Variants in BAZ1B observed in about 807,000 individuals in gnomAD.
BAZ1B encodes bromodomain adjacent to zinc finger domain 1B.
Under a neutral mutation model 153.8 loss-of-function variants are expected in BAZ1B, and 22 were observed. The ratio of observed to expected loss-of-function variants is 0.14; its 90% CI spans 0.10 to 0.20. BAZ1B has a LOEUF of 0.20. BAZ1B is among the 10% of genes least tolerant of loss of function. BAZ1B has a pLI of 1.00. For synonymous variants in BAZ1B, 676 were observed against 633.4 expected (o/e 1.07, Z -1.01); for missense variants, 1,325 against 1,799.3 (o/e 0.74, Z 4.77).
At chr7:73,509,270 CA>C (rs1554578238) in intron 2 of BAZ1B, among the ~76,000 whole-genome samples, 1 of 151,910 alleles carries the variant, frequency 6.6e-6, no homozygotes, top group African/African-American at 2.4e-5. Context: ...TGCAGTGAGC[CA>C]AGATCACACC....
At chr7:73,463,715 T>C (rs1234567571) in intron 11 of BAZ1B, among the ~76,000 whole-genome samples, 2 of 152,018 alleles carry the variant, frequency 1.3e-5, no homozygotes, top group Non-Finnish European at 2.9e-5. Flanking sequence ...CTTTTTTTTT[T>C]TGTTGTTTTT....
intron 10 of BAZ1B, 136 bp from the exon 11 acceptor site, chr7:73,465,673 G>C: frequency 1.9e-6 from 1 of 515,666 alleles, no homozygotes; most frequent in Non-Finnish European, 3.4e-6. Flanking sequence ...CTACTATCTA[G>C]AAGTAGAATA....
chr7:73,511,303 A>T (rs1015910426), intron 1 of BAZ1B, among the ~76,000 whole-genome samples: 2 of 151,910 alleles, frequency 1.3e-5, no homozygotes, highest in African/African-American at 4.8e-5. Context: ...AAAAAAATGG[A>T]ATCAGGGCCC....
rs1329697799 is a variant in BAZ1B, at chr7:73,522,150, G to A, written c.-217C>T. The A allele has an allele frequency of 3.0e-5, 12 of 398,556 alleles. No homozygotes were observed. Among genetic ancestry groups the A allele is most frequent in the Middle Eastern group, 6.4e-4 (1 of 1,572 alleles). 24.7% of individuals were successfully genotyped at this position (398,556 alleles called of 1,614,324 possible). A position where few individuals can be genotyped will look rare whatever the true frequency, so the allele number is the denominator to read the frequency against. On this transcript the variant is annotated 5_prime_UTR_variant, in exon 1 of 20. Transcript: ENST00000339594. ...GCGCAGAGCTCCCGCGCACACCGCC[G>A]CGCCTCCCAGCAGCCCCCCGCCGAC...
At chr7:73,464,142 G>C in intron 11 of BAZ1B, 1 of 984,914 alleles carries the variant, frequency 1.0e-6, no homozygotes, top group African/African-American at 1.7e-5. Flanking sequence ...GCAAAAGTCT[G>C]GCAATGGTGT....
At position 73,522,024 on chromosome 7, in the gene BAZ1B, CG is replaced by C; in HGVS notation, c.-92del. 8.4e-6 allele frequency: 3 copies of C among 358,964 alleles called. No homozygotes were observed. The highest frequency in any genetic ancestry group is 1.3e-5 in the Non-Finnish European group (3 of 231,378). 22.2% of individuals were successfully genotyped at this position (358,964 alleles called of 1,614,324 possible). A position where few individuals can be genotyped will look rare whatever the true frequency, so the allele number is the denominator to read the frequency against. ...CGGCCCGGAGCGAGCGCCAGGCGCC[CG>C]GGGGTGGGGTGGGGGAAGGGAGGGG... On this transcript the variant is annotated 5_prime_UTR_variant, in exon 1 of 20. Coordinates refer to ENST00000339594, the MANE Select transcript of BAZ1B (RefSeq NM_032408.4).
chr7:73,469,904 C>T (rs942345397), intron 8 of BAZ1B, among the ~76,000 whole-genome samples: 1 of 152,132 alleles, frequency 6.6e-6, no homozygotes, highest in African/African-American at 2.4e-5. Context: ...AATGGGGTCT[C>T]GCTATGTTGG....
intron 7 of BAZ1B, among the ~76,000 whole-genome samples, chr7:73,475,240 TTAAGTA>T (rs1443855960): frequency 1.1e-4 from 16 of 152,166 alleles, no homozygotes; most frequent in Non-Finnish European, 1.9e-4. Context: ...CTAAAGAAAT[TTAAGTA>T]TATGACTACT....
intron 1 of BAZ1B, among the ~76,000 whole-genome samples, chr7:73,521,385 G>GC (rs1791034642): frequency 6.6e-6 from 1 of 152,144 alleles, no homozygotes; most frequent in Admixed American, 6.5e-5. Context: ...ACGAGGCCGC[G>GC]CGAGTACAAT....
intron 3 of BAZ1B, among the ~76,000 whole-genome samples, chr7:73,505,929 C>T (rs1308833111): frequency 4.6e-5 from 7 of 152,194 alleles, no homozygotes; most frequent in African/African-American, 1.7e-4. Flanking sequence ...CGCTACATAA[C>T]GGCTGAAAGC....
chr7:73,510,899 C>A, intron 1 of BAZ1B, 47 bp from the exon 2 acceptor site: 1 of 1,467,526 alleles, frequency 6.8e-7, no homozygotes, highest in Non-Finnish European at 9.5e-7. Context: ...ACAGAGACGA[C>A]AAACCCATAC....
At chr7:73,485,567 G>C (rs1554574361) in intron 6 of BAZ1B, among the ~76,000 whole-genome samples, 3 of 150,236 alleles carry the variant, frequency 2.0e-5, no homozygotes. Flanking sequence ...CCAGGTTACA[G>C]TGAGCTATGA....
chr7:73,448,548 A>G (rs1787920512), intron 15 of BAZ1B, among the ~76,000 whole-genome samples: 1 of 152,246 alleles, frequency 6.6e-6, no homozygotes, highest in East Asian at 1.9e-4. Flanking sequence ...CCAAAATACT[A>G]CTTCAGAGAA....
intron 3 of BAZ1B, among the ~76,000 whole-genome samples, chr7:73,507,794 T>C (rs1790403442): frequency 6.8e-6 from 1 of 148,126 alleles, no homozygotes; most frequent in Non-Finnish European, 1.5e-5. Flanking sequence ...AGCCAGGGAG[T>C]CCAAGGCTAC....
chr7:73,452,267 T>A (rs1207413133), intron 13 of BAZ1B, among the ~76,000 whole-genome samples: 5 of 152,204 alleles, frequency 3.3e-5, no homozygotes, highest in African/African-American at 9.6e-5. Context: ...AACAGTACTT[T>A]CATCAGTTTT....
At chr7:73,468,469 A>G (rs1788675896) in intron 9 of BAZ1B, among the ~76,000 whole-genome samples, 1 of 152,170 alleles carries the variant, frequency 6.6e-6, no homozygotes, top group Non-Finnish European at 1.5e-5. Context: ...TGAGGTTGAG[A>G]AAACCTGACC....
intron 17 of BAZ1B, 92 bp downstream of exon 17, chr7:73,443,892 C>G: frequency 6.4e-7 from 1 of 1,554,368 alleles, no homozygotes. Flanking sequence ...GGGGGAGGCT[C>G]CCCTCCCACC....
At chr7:73,517,567 T>C (rs1008075887) in intron 1 of BAZ1B, among the ~76,000 whole-genome samples, 50 of 152,234 alleles carry the variant, frequency 3.3e-4, no homozygotes, top group Middle Eastern at 3.4e-3. Context: ...AAAAGGCCCA[T>C]CAGAAGGATA....
intron 10 of BAZ1B, 85 bp downstream of exon 10, chr7:73,466,211 C>G (rs1788578258): frequency 1.2e-5 from 11 of 939,180 alleles, no homozygotes; most frequent in African/African-American, 1.6e-5. Flanking sequence ...TAATTATTAA[C>G]TCACTGGCAT....
Sources: allele counts gnomAD v4.1 joint callset (sites outside exome capture counted in the v4.1 genomes callset), GRCh38; gene constraint gnomAD v4.1.1; transcripts MANE v1.5; gene names NCBI Gene and HGNC (gene_info 2026-07-23, HGNC 2026-07-21).